The following SMOC1 variants were observed in gnomAD, a reference collection of about 807,000 sequenced individuals.
The protein encoded by SMOC1 is SPARC related modular calcium binding 1.
In SMOC1, 22 loss-of-function variants were observed where a neutral mutation model predicts 56.3. The observed-to-expected ratio is 0.39, with a 90% CI of 0.28 to 0.56. The LOEUF is 0.56. Ranked by LOEUF, SMOC1 falls within the 20% of genes least tolerant of loss-of-function variation. SMOC1 has a pLI of 0.61. For synonymous variants in SMOC1, 193 were observed against 215.0 expected, an observed-to-expected ratio of 0.90 and a Z score of 0.89; for missense variants, 509 against 565.4, an observed-to-expected ratio of 0.90 and a Z score of 1.01.
At position 69,919,919 on chromosome 14, in the gene SMOC1, C is replaced by CA. The variant is rs1491491796; in HGVS notation, c.100-32219_100-32218insA. 7.2e-4 allele frequency among the ~76,000 whole-genome samples: 108 copies of CA among 149,962 alleles called. 1 individual carries two copies. Among genetic ancestry groups the CA allele is most frequent in the South Asian group, 1.8e-3 (8 of 4,494 alleles). On this transcript the variant is annotated intron_variant, in intron 1 of 11. Coordinates refer to ENST00000361956, the MANE Select transcript of SMOC1 (RefSeq NM_001034852.3). Reference sequence around the variant, plus strand: ...TCCTATGAACACAAATACCCCCCCCCCCCTTTCTCCCCTGGAGTAGGGATA... The same window carrying CA: ...TCCTATGAACACAAATACCCCCCCCCACCCTTTCTCCCCTGGAGTAGGGATA...
At chr14:69,930,240 G>GACAGCACCCTCCT (rs1246261056) in intron 1 of SMOC1, among the ~76,000 whole-genome samples, 1 of 123,384 alleles carries the variant, frequency 8.1e-6, no homozygotes, top group African/African-American at 5.1e-5. Context: ...TCCCACCTCT[G>GACAGCACCCTCCT]CACCTCTCCA....
At chr14:70,002,505 C>T (rs750715929) in intron 7 of SMOC1, among the ~76,000 whole-genome samples, 2 of 152,158 alleles carry the variant, frequency 1.3e-5, no homozygotes, top group African/African-American at 2.4e-5. Flanking sequence ...TGGAAAGGAG[C>T]CCTGAGCAAT....
intron 7 of SMOC1, among the ~76,000 whole-genome samples, chr14:69,999,856 G>A (rs1259779743): frequency 3.3e-5 from 5 of 152,128 alleles, no homozygotes; most frequent in Admixed American, 6.5e-5. Flanking sequence ...CATGTTGTCT[G>A]CTTGGAACAC....
At chr14:69,902,477 C>T (rs1884269399) in intron 1 of SMOC1, among the ~76,000 whole-genome samples, 1 of 152,180 alleles carries the variant, frequency 6.6e-6, no homozygotes, top group Non-Finnish European at 1.5e-5. Context: ...TGCCTGGACT[C>T]TTGAAGGTGG....
chr14:69,930,024 G>A (rs917579031), intron 1 of SMOC1, among the ~76,000 whole-genome samples: 3 of 152,092 alleles, frequency 2.0e-5, no homozygotes, highest in South Asian at 2.1e-4. Context: ...AGGCAGAGAC[G>A]TGGCTGGGGG....
intron 10 of SMOC1, among the ~76,000 whole-genome samples, chr14:70,019,831 A>G (rs77538703): frequency 0.034 from 5,250 of 152,304 alleles, 147 homozygotes; most frequent in East Asian, 0.097. Flanking sequence ...TCTTTTGCAC[A>G]GACTTACTGC....
chr14:70,013,867 C>T (rs559862170), intron 10 of SMOC1, among the ~76,000 whole-genome samples: 9 of 152,326 alleles, frequency 5.9e-5, no homozygotes, highest in African/African-American at 1.9e-4. Context: ...GCACAAAGCA[C>T]TTTGCAATTT....
chr14:69,882,257 C>T (rs1236103930), intron 1 of SMOC1, among the ~76,000 whole-genome samples: 4 of 152,150 alleles, frequency 2.6e-5, no homozygotes, highest in Admixed American at 6.5e-5. Context: ...TCCCTGTGGG[C>T]GCTCCTAAGT....
At chr14:70,009,623 A>G (rs1437672417) in intron 7 of SMOC1, among the ~76,000 whole-genome samples, 2 of 152,230 alleles carry the variant, frequency 1.3e-5, no homozygotes, top group Non-Finnish European at 2.9e-5. Context: ...GAGTTGTAGA[A>G]TAGTGGTATG....
intron 5 of SMOC1, among the ~76,000 whole-genome samples, chr14:69,984,671 T>C (rs1339857920): frequency 4.2e-5 from 6 of 144,416 alleles, no homozygotes; most frequent in Admixed American, 2.0e-4. Flanking sequence ...GGTGAAACCC[T>C]ATCTCTACTA....
intron 5 of SMOC1, among the ~76,000 whole-genome samples, chr14:69,988,693 C>T (rs1470059243): frequency 2.0e-5 from 3 of 152,188 alleles, no homozygotes; most frequent in Non-Finnish European, 4.4e-5. Flanking sequence ...TGAACCCATT[C>T]ACAGGTATTT....
intron 11 of SMOC1, 41 bp from the exon 12 acceptor site, chr14:70,030,201 C>CTTT: frequency 6.4e-7 from 1 of 1,573,900 alleles, no homozygotes; most frequent in African/African-American, 1.5e-5. Context: ...CTGCCCCCGA[C>CTTT]CTTTTTTTTT....
At chr14:70,030,014 G>A (rs1886080715) in intron 11 of SMOC1, among the ~76,000 whole-genome samples, 1 of 152,176 alleles carries the variant, frequency 6.6e-6, no homozygotes, top group Non-Finnish European at 1.5e-5. Flanking sequence ...AGTTGCAGTG[G>A]TGGTGCCTCA....
chr14:69,998,987 T>C (rs1014499088), intron 7 of SMOC1, among the ~76,000 whole-genome samples: 3 of 152,178 alleles, frequency 2.0e-5, no homozygotes, highest in African/African-American at 7.2e-5. Flanking sequence ...CGCTCCCTTC[T>C]CTACATCATT....
chr14:70,019,316 A>T (rs1251859972), intron 10 of SMOC1, among the ~76,000 whole-genome samples: 1 of 152,242 alleles, frequency 6.6e-6, no homozygotes, highest in East Asian at 1.9e-4. Context: ...ATAGTCTTCT[A>T]AAATCTGGAA....
chr14:69,991,314 C>T (rs774485659), intron 5 of SMOC1, among the ~76,000 whole-genome samples: 14 of 152,114 alleles, frequency 9.2e-5, no homozygotes, highest in Admixed American at 2.0e-4. Flanking sequence ...GACAAAGATA[C>T]CCTCTCCAAG....
In SMOC1 at chr14:69,952,152, C is replaced by A. The variant is rs761590932; in HGVS notation, c.114C>A (p.Asp38Glu). The A allele has an allele frequency of 6.2e-7, 1 of 1,614,174 alleles. No individual in the cohort carries two copies. The highest frequency in any genetic ancestry group is 2.2e-5 in the East Asian group (1 of 44,880). The stretch of plus-strand genomic sequence containing the variant: ...TTCCAACCTAGTTTCTAATAAGTGA[C>A]CGTGACCCACAGTGCAACCTCCACT... The part of the protein sequence containing the change: ...RTTGPRFLIS[D>E]RDPQCNLHCS... Residue 38 changes from aspartate to glutamate, a missense_variant, in exon 2 of 12, where the codon GAC (aspartate) becomes GAA (glutamate). By Grantham distance (45) the Asp-to-Glu change is conservative (BLOSUM62 2). Coordinates refer to ENST00000361956, the MANE Select transcript of SMOC1 (RefSeq NM_001034852.3).
At chr14:69,944,457 C>T (rs760765690) in intron 1 of SMOC1, among the ~76,000 whole-genome samples, 1 of 152,202 alleles carries the variant, frequency 6.6e-6, no homozygotes, top group Non-Finnish European at 1.5e-5. Flanking sequence ...TGTTCTCCTT[C>T]CCTTTCCTTC....
At chr14:69,977,348 C>T (rs982317060) in intron 4 of SMOC1, among the ~76,000 whole-genome samples, 1 of 152,202 alleles carries the variant, frequency 6.6e-6, no homozygotes, top group Admixed American at 6.5e-5. Flanking sequence ...GCTACCCGCT[C>T]CTGGAGGAAC....
Sources: gnomAD v4.1 joint callset for allele counts (sites outside exome capture counted in the v4.1 genomes callset) on GRCh38, gnomAD v4.1.1 for gene constraint, MANE v1.5 for transcripts, NCBI Gene and HGNC (gene_info 2026-07-23, HGNC 2026-07-21) for gene names.